BCKDHB: variants seen among roughly 807,000 people sequenced by gnomAD.
BCKDHB encodes the protein 2-oxoisovalerate dehydrogenase subunit beta, mitochondrial.
BCKDHB carries 41 observed loss-of-function variants against 48.5 expected under a neutral mutation model. That is an observed-to-expected ratio of 0.85 (90% CI 0.66 to 1.10). The LOEUF is 1.10. BCKDHB is among the 50% of genes least tolerant of loss of function. The pLI, the probability that BCKDHB is intolerant of heterozygous loss-of-function variation, is 0.00. For synonymous variants in BCKDHB, 201 were observed against 174.8 expected, an observed-to-expected ratio of 1.15 and a Z score of -1.18; for missense variants, 496 against 494.2, an observed-to-expected ratio of 1.00 and a Z score of -0.03.
chr6:80,351,810 T>C, the BCKDHB span, among the ~76,000 whole-genome samples: 1 of 141,934 alleles, frequency 7.0e-6, no homozygotes, highest in African/African-American at 2.6e-5. Flanking sequence ...ACCCAGCTAA[T>C]TTTTTCTTTC....
At chr6:80,307,475 A>AT (rs1157412259) in intron 9 of BCKDHB, 5 of 985,044 alleles carry the variant, frequency 5.1e-6, no homozygotes, top group Non-Finnish European at 6.0e-6. Flanking sequence ...TTTCTATTAC[A>AT]TTTTTTTCAG....
chr6:80,235,270 A>G (rs1199591257), intron 8 of BCKDHB, among the ~76,000 whole-genome samples: 1 of 152,216 alleles, frequency 6.6e-6, no homozygotes, highest in Non-Finnish European at 1.5e-5. Context: ...TATGTGCCCC[A>G]TAAATATGTA....
the BCKDHB span, among the ~76,000 whole-genome samples, chr6:80,378,037 C>T: frequency 6.6e-6 from 1 of 151,990 alleles, no homozygotes; most frequent in Non-Finnish European, 1.5e-5. Flanking sequence ...AAGTCTTCTC[C>T]TTTGATAAAT....
chr6:80,349,425 T>TG (rs527275846), downstream of BCKDHB, among the ~76,000 whole-genome samples: 25 of 152,022 alleles, frequency 1.6e-4, no homozygotes, highest in East Asian at 3.5e-3. Context: ...GGGTGGGTAG[T>TG]GGGGGGACAG....
At chr6:80,390,656 G>T in the BCKDHB span, among the ~76,000 whole-genome samples, 2 of 152,076 alleles carry the variant, frequency 1.3e-5, no homozygotes, top group African/African-American at 4.8e-5. Flanking sequence ...GGAGGATAGT[G>T]GTATTATGTT....
chr6:80,383,912 G>A, the BCKDHB span, among the ~76,000 whole-genome samples: 2 of 152,070 alleles, frequency 1.3e-5, no homozygotes, highest in Non-Finnish European at 2.9e-5. Flanking sequence ...TAAGAAAATA[G>A]ATATTAAACA....
the BCKDHB span, among the ~76,000 whole-genome samples, chr6:80,419,978 G>T: frequency 1.3e-5 from 2 of 151,948 alleles, no homozygotes; most frequent in African/African-American, 2.4e-5. Context: ...TTCTGCTCCA[G>T]GATTTCTATT....
intron 8 of BCKDHB, among the ~76,000 whole-genome samples, chr6:80,245,662 T>C (rs1230376503): frequency 6.6e-6 from 1 of 152,170 alleles, no homozygotes; most frequent in Non-Finnish European, 1.5e-5. Context: ...AGACAAAATA[T>C]TGACTTCTGG....
At chr6:80,331,283 A>G (rs1324494496) in intron 9 of BCKDHB, among the ~76,000 whole-genome samples, 2 of 152,214 alleles carry the variant, frequency 1.3e-5, no homozygotes, top group Non-Finnish European at 2.9e-5. Context: ...AGATTTGCTT[A>G]TAGGTTTGTT....
chr6:80,360,627 T>C, the BCKDHB span, among the ~76,000 whole-genome samples: 1 of 152,196 alleles, frequency 6.6e-6, no homozygotes, highest in African/African-American at 2.4e-5. Flanking sequence ...GTATATTTCA[T>C]TGTGAGGACC....
chr6:80,139,177 G>T (rs540625366), intron 3 of BCKDHB, among the ~76,000 whole-genome samples: 465 of 152,146 alleles, frequency 3.1e-3, no homozygotes, highest in Middle Eastern at 0.014. Context: ...AAATTTGTTT[G>T]AGTTCATTGT....
chr6:80,393,965 T>C, the BCKDHB span, among the ~76,000 whole-genome samples: 3 of 152,234 alleles, frequency 2.0e-5, no homozygotes, highest in Non-Finnish European at 4.4e-5. Flanking sequence ...CACATGTTTG[T>C]TCTTTGAAGG....
At chr6:80,310,773 G>A (rs1768113695) in intron 9 of BCKDHB, among the ~76,000 whole-genome samples, 1 of 152,066 alleles carries the variant, frequency 6.6e-6, no homozygotes, top group East Asian at 1.9e-4. Context: ...GTTTTTTGAT[G>A]TTTTAGTAGT....
chr6:80,355,300 T>C, the BCKDHB span: 1 of 145,402 alleles, frequency 6.9e-6, no homozygotes, highest in Non-Finnish European at 1.5e-5. Context: ...CTTGTGAAGC[T>C]GAGGTGGGAG....
intron 8 of BCKDHB, among the ~76,000 whole-genome samples, chr6:80,214,386 A>G (rs1775072747): frequency 6.6e-6 from 1 of 152,266 alleles, no homozygotes; most frequent in Non-Finnish European, 1.5e-5. Flanking sequence ...ATTTGTCTAT[A>G]GAGAATCTCT....
At chr6:80,278,450 G>A (rs1015297291) in intron 9 of BCKDHB, among the ~76,000 whole-genome samples, 1 of 152,154 alleles carries the variant, frequency 6.6e-6, no homozygotes, top group Non-Finnish European at 1.5e-5. Context: ...ATTACTGTTT[G>A]TAGTTAAATC....
chr6:80,404,468 T>C, the BCKDHB span, among the ~76,000 whole-genome samples: 2 of 151,842 alleles, frequency 1.3e-5, no homozygotes, highest in Non-Finnish European at 2.9e-5. Context: ...TTTTTTCCCT[T>C]AGTTTAGCTA....
At chr6:80,459,391 G>A in the BCKDHB span, among the ~76,000 whole-genome samples, 1 of 152,076 alleles carries the variant, frequency 6.6e-6, no homozygotes, top group African/African-American at 2.4e-5. Flanking sequence ...GAAATACAAA[G>A]ACTGCATGAT....
At chr6:80,269,438 T>C (rs1777643772) in intron 8 of BCKDHB, among the ~76,000 whole-genome samples, 1 of 152,178 alleles carries the variant, frequency 6.6e-6, no homozygotes, top group African/African-American at 2.4e-5. Context: ...TTTGTTCCTT[T>C]GCAGGGAACA....
Sources: gnomAD v4.1 joint callset for allele counts (sites outside exome capture counted in the v4.1 genomes callset) on GRCh38, gnomAD v4.1.1 for gene constraint, MANE v1.5 for transcripts, NCBI Gene and HGNC (gene_info 2026-07-23, HGNC 2026-07-21) for gene names.